TP53TG5: variants seen among roughly 807,000 people sequenced by gnomAD.
TP53TG5 encodes the protein TP53-target gene 5 protein.
TP53TG5 carries 17 observed loss-of-function variants against 30.0 expected under a neutral mutation model. The ratio of observed to expected loss-of-function variants is 0.57; its 90% CI spans 0.39 to 0.85. The LOEUF (loss-of-function observed/expected upper bound fraction) is 0.85. TP53TG5 is among the 40% of genes least tolerant of loss of function. The probability of loss-of-function intolerance (pLI) is 0.00; values close to 1 mark genes in which losing one functional copy is unlikely to be tolerated. For missense variants in TP53TG5, 338 were observed against 367.9 expected, an observed-to-expected ratio of 0.92 and a Z score of 0.67; for synonymous variants, 137 against 139.2, an observed-to-expected ratio of 0.98 and a Z score of 0.11.
At position 45,377,249 on chromosome 20, in the gene TP53TG5, G is replaced by A; in HGVS notation, c.217C>T (p.Leu73=). 6.2e-7 allele frequency: 1 copy of A among 1,614,112 alleles called. No individual in the cohort carries two copies. Among genetic ancestry groups the A allele is most frequent in the East Asian group, 2.2e-5 (1 of 44,890 alleles). The part of the protein sequence containing the change: ...HKLAKRCWHS[L]LSVPKILRIS... ...CGGAGAATCTTTGGAACACTGAGCA[G>A]TGAATGCCAACACCTTTTGGCCAGC... Residue 73 remains leucine, a synonymous_variant, in exon 3 of 5, where the codon CTG becomes TTG. Transcript: ENST00000372726.
intron 4 of TP53TG5, chr20:45,374,757 C>T (rs1988669823): frequency 4.1e-6 from 2 of 484,174 alleles, no homozygotes; most frequent in Admixed American, 3.7e-5. Context: ...GCAGTTTCCA[C>T]CTCTGCTAAG....
In TP53TG5 at chr20:45,373,874, G is replaced by A; in HGVS notation, c.*33C>T. On this transcript the variant is annotated 3_prime_UTR_variant, in exon 5 of 5. Coordinates refer to ENST00000372726, the MANE Select transcript of TP53TG5 (RefSeq NM_014477.3). ...AGCCCCAGACAAACAGGCAGAGTAA[G>A]CAGTATTCGTCTTAGGTGCCATATG... is the stretch of plus-strand genomic sequence containing the variant. The A allele has an allele frequency of 6.3e-7, 1 of 1,576,154 alleles. No individual in the cohort carries two copies.
Position 45,375,300 on chromosome 20 carries a change from G to A in TP53TG5, c.507C>T (p.Asn169=). 6.2e-7 allele frequency: 1 copy of A among 1,614,166 alleles called. No homozygotes were observed. Among genetic ancestry groups the A allele is most frequent in the South Asian group, 1.1e-5 (1 of 91,080 alleles). ...GTGGTTGCCTCCCCTGGACTCCAGG[G>A]TTCAAGCTATCATCCCTCGATGTCC... is the stretch of plus-strand genomic sequence containing the variant. ...VPRTSRDDSL[N]PGVQGRQPLT... is the part of the protein sequence containing the mutation. Residue 169 remains asparagine (N), a synonymous_variant, in exon 4 of 5, where the codon AAC becomes AAT. Transcript: ENST00000372726.
At chr20:45,378,126 G>C in intron 1 of TP53TG5, 63 bp downstream of exon 1, 1 of 1,608,798 alleles carries the variant, frequency 6.2e-7, no homozygotes, top group Non-Finnish European at 8.5e-7. Context: ...TCCTTGGCAT[G>C]GTGGATTCTT....
At chr20:45,374,322 G>C (rs1304773135) in intron 4 of TP53TG5, 1 of 688,458 alleles carries the variant, frequency 1.5e-6, no homozygotes, top group African/African-American at 1.8e-5. Context: ...GCCCAGGCTG[G>C]AGTGCAGTGG....
Position 45,375,570 on chromosome 20 carries a change from G to C in TP53TG5, c.255-18C>G, listed in dbSNP as rs2145368172. Reference sequence around the variant, plus strand: ...TGTTTTCCCTGGCAGGGAGAGGAAAGGCAGTCAGCACAGCAGGACCGAGGC... The same window carrying C: ...TGTTTTCCCTGGCAGGGAGAGGAAACGCAGTCAGCACAGCAGGACCGAGGC... On this transcript the variant is annotated intron_variant, in intron 3 of 4. Coordinates refer to ENST00000372726, the MANE Select transcript of TP53TG5 (RefSeq NM_014477.3). The C allele has an allele frequency of 6.3e-7, 1 of 1,596,574 alleles. No individual in the cohort carries two copies. Among genetic ancestry groups the C allele is most frequent in the South Asian group, 1.1e-5 (1 of 89,940 alleles).
Position 45,375,438 on chromosome 20 carries a change from T to C in TP53TG5, c.369A>G (p.Lys123=). The C allele has an allele frequency of 6.2e-7, 1 of 1,614,150 alleles. No individual in the cohort carries two copies. Among genetic ancestry groups the C allele is most frequent in the South Asian group, 1.1e-5 (1 of 91,084 alleles). Residue 123 remains lysine (K), a synonymous_variant, in exon 4 of 5, where the codon AAA becomes AAG. Transcript: ENST00000372726. ...GGGACTTCCACTCCTTGTACTCTTT[T>C]TTCTTAGGGTCCCCTGTGGACTCTA... ...KKLESTGDPK[K]KEYKEWKSQV...
At position 45,374,017 on chromosome 20, in the gene TP53TG5, A is replaced by T. The variant is rs373622769; in HGVS notation, c.769-6T>A. 15 of 1,613,780 alleles carry T rather than the reference A, an allele frequency of 9.3e-6. No homozygotes were observed. The highest frequency in any genetic ancestry group is 1.3e-5 in the Non-Finnish European group (15 of 1,180,002). On this transcript the variant is annotated splice_region_variant and splice_polypyrimidine_tract_variant and intron_variant, in intron 4 of 4. Transcript: ENST00000372726. Reference sequence around the variant, plus strand: ...CTCGTCCAGGTCACATCAACCTGCCAGCAGAAACCTCGGTGTTAGGCGCTA... The same window carrying T: ...CTCGTCCAGGTCACATCAACCTGCCTGCAGAAACCTCGGTGTTAGGCGCTA...
Position 45,375,101 on chromosome 20 carries a change from T to G in TP53TG5, c.706A>C (p.Lys236Gln). 6.2e-7 allele frequency: 1 copy of G among 1,614,116 alleles called. No individual in the cohort carries two copies. The highest frequency in any genetic ancestry group is 8.5e-7 in the Non-Finnish European group (1 of 1,180,038). The change falls in exon 4 of 5, where the codon AAG (lysine) becomes CAG (glutamine). Residue 236 changes from lysine to glutamine, a missense_variant. Physicochemically the swap from Lys to Gln is moderately conservative, Grantham distance 53. Coordinates refer to ENST00000372726, the MANE Select transcript of TP53TG5 (RefSeq NM_014477.3). ...MCRSSTLRWV[K>Q]RRCTRFCSAS... ...GAGCAGAAGCGGGTGCAGCGGCGCT[T>G]GACCCAACGCAGGGTGGAGGATCTG...
chr20:45,377,257 C>G lies in TP53TG5; in HGVS notation c.209G>C (p.Trp70Ser). 6.2e-7 allele frequency: 1 copy of G among 1,614,146 alleles called. No homozygotes were observed. Residue 70 changes from tryptophan to serine, a missense_variant, in exon 3 of 5, where the codon TGG becomes TCG. Transcript: ENST00000372726. ...CTTTGGAACACTGAGCAGTGAATGC[C>G]AACACCTTTTGGCCAGCTTATGCAG... is the stretch of plus-strand genomic sequence containing the variant. ...QELHKLAKRC[W>S]HSLLSVPKIL...
chr20:45,377,606 T>TCTTG lies in TP53TG5; in HGVS notation c.52_55dup (p.Asp19AlafsTer3). 1 of 1,613,912 alleles carries TCTTG rather than the reference T, an allele frequency of 6.2e-7. No homozygotes were observed. On this transcript the variant is annotated frameshift_variant, in exon 2 of 5. Coordinates refer to ENST00000372726, the MANE Select transcript of TP53TG5 (RefSeq NM_014477.3). LOFTEE classifies it high-confidence loss of function. The stretch of plus-strand genomic sequence containing the variant: ...CTCTGTCTCGTCCCGCAGTTTCTCA[T>TCTTG]CTTGCATCTGAGGGACAGAGGATAA...
chr20:45,374,038 C>G, intron 4 of TP53TG5, 27 bp from the exon 5 acceptor site: 1 of 1,609,990 alleles, frequency 6.2e-7, no homozygotes. Flanking sequence ...CGGTGTTAGG[C>G]GCTAAGACTG....
chr20:45,375,307 C>A lies in TP53TG5; in HGVS notation c.500G>T (p.Ser167Ile). Reference sequence around the variant, plus strand: ...CCTCCCCTGGACTCCAGGGTTCAAGCTATCATCCCTCGATGTCCTTGGAAC... The same window carrying A: ...CCTCCCCTGGACTCCAGGGTTCAAGATATCATCCCTCGATGTCCTTGGAAC... ...PEVPRTSRDD[S>I]LNPGVQGRQP... Residue 167 changes from serine to isoleucine, a missense_variant, in exon 4 of 5, where the codon AGC becomes ATC. By Grantham distance (142) the Ser-to-Ile change is moderately radical (BLOSUM62 -2). Coordinates refer to ENST00000372726, the MANE Select transcript of TP53TG5 (RefSeq NM_014477.3). The A allele has an allele frequency of 6.2e-7, 1 of 1,614,164 alleles. No individual in the cohort carries two copies. The highest frequency in any genetic ancestry group is 8.5e-7 in the Non-Finnish European group (1 of 1,180,020).
intron 4 of TP53TG5, 156 bp from the exon 5 acceptor site, chr20:45,374,167 G>A: frequency 2.9e-6 from 2 of 691,816 alleles, no homozygotes; most frequent in East Asian, 5.4e-5. Context: ...TAGACCCGGT[G>A]GGCACTCACC....
intron 4 of TP53TG5, chr20:45,374,652 G>A: frequency 2.3e-6 from 1 of 428,408 alleles, no homozygotes; most frequent in Non-Finnish European, 4.1e-6. Flanking sequence ...GGAATGGGAT[G>A]CAGCAAAGCC....
In TP53TG5 at chr20:45,377,478, G is replaced by A. The variant is rs542559006; in HGVS notation, c.123+61C>T. ...CCTGGGCCACTCAGCCTGGCAACCA[G>A]GGGCAGTACTGCATGAGTATATGAG... On this transcript the variant is annotated intron_variant, in intron 2 of 4. Coordinates refer to ENST00000372726, the MANE Select transcript of TP53TG5 (RefSeq NM_014477.3). 5.8e-5 allele frequency: 93 copies of A among 1,610,468 alleles called. No individual in the cohort carries two copies. The African/African-American group carries it at 8.9e-4, about 15-fold the overall frequency.
intron 4 of TP53TG5, 86 bp downstream of exon 4, chr20:45,374,953 C>T: frequency 6.5e-7 from 1 of 1,530,898 alleles, no homozygotes; most frequent in Non-Finnish European, 8.8e-7. Context: ...GACTCCAGAT[C>T]CTGAACCCTG....
Position 45,375,355 on chromosome 20 carries a change from T to C in TP53TG5, c.452A>G (p.Lys151Arg), listed in dbSNP as rs1176771672. ...AACCTCAGGCTCTATATGCTTTTCT[T>C]TCCGTGGCATTGCCGCCAATGACGT... ...EKTSLAAMPR[K>R]EKHIEPEVPR... is the part of the protein sequence containing the mutation. The change falls in exon 4 of 5, where the codon AAA becomes AGA. Residue 151 changes from lysine (K) to arginine (R), a missense_variant. Lys to Arg is a conservative substitution (Grantham distance 26, BLOSUM62 2). Coordinates refer to ENST00000372726, the MANE Select transcript of TP53TG5 (RefSeq NM_014477.3). 1 of 1,614,052 alleles carries C rather than the reference T, an allele frequency of 6.2e-7. No homozygotes were observed. The highest frequency in any genetic ancestry group is 8.5e-7 in the Non-Finnish European group (1 of 1,180,050).
At position 45,377,293 on chromosome 20, in the gene TP53TG5, C is replaced by T. The variant is rs147911582; in HGVS notation, c.173G>A (p.Arg58Gln). 44 of 1,614,130 alleles carry T rather than the reference C, an allele frequency of 2.7e-5. No individual in the cohort carries two copies. The highest frequency in any genetic ancestry group is 6.7e-5 in the East Asian group (3 of 44,882). ...GGCCAGCTTATGCAGTTCTTGGATC[C>T]GGCGGTTTGAGCTCTTGAGTAGCTT... is the stretch of plus-strand genomic sequence containing the variant. ...LLKLLKSSNRRIQELHKLAKR... is the reference protein window; with the variant it reads ...LLKLLKSSNRQIQELHKLAKR... Residue 58 changes from arginine to glutamine, a missense_variant, in exon 3 of 5, where the codon CGG (arginine) becomes CAG (glutamine). Arg to Gln is a conservative substitution (Grantham distance 43, BLOSUM62 1). Transcript: ENST00000372726.
Sources: gnomAD v4.1 joint callset for allele counts on GRCh38, gnomAD v4.1.1 for gene constraint, MANE v1.5 for transcripts, NCBI Gene and HGNC (gene_info 2026-07-23, HGNC 2026-07-21) for gene names.